Variants in CCND3 observed in about 807,000 individuals in gnomAD.
CCND3 encodes cyclin D3, also known as G1/S-specific cyclin-D3.
A neutral mutation model predicts 28.7 loss-of-function variants in CCND3; 9 were observed. The observed-to-expected ratio is 0.31, with a 90% confidence interval of 0.19 to 0.55. The LOEUF (loss-of-function observed/expected upper bound fraction) is 0.55, where lower values mean the gene tolerates loss of function less well. Among genes scored for constraint, CCND3 ranks in the 20% least tolerant of loss-of-function variants. CCND3 has a pLI of 0.93. For synonymous variants in CCND3, 164 were observed against 163.9 expected (o/e 1.00, Z 0.00); for missense variants, 315 against 385.8 (o/e 0.82, Z 1.54).
intron 1 of CCND3, among the ~76,000 whole-genome samples, chr6:42,036,325 A>ATATATATAT (rs1764208924): frequency 8.3e-6 from 1 of 119,920 alleles, no homozygotes; most frequent in African/African-American, 3.0e-5. Context: ...TATATATATA[A>ATATATATAT]AATATATATA....
intron 1 of CCND3, among the ~76,000 whole-genome samples, chr6:41,951,728 G>T (rs1028058927): frequency 4.6e-5 from 7 of 151,874 alleles, no homozygotes; most frequent in Admixed American, 4.6e-4. Context: ...AATACTATTA[G>T]GTAGTAATAA....
intron 1 of CCND3, among the ~76,000 whole-genome samples, chr6:42,043,199 G>C (rs537618895): frequency 2.0e-5 from 3 of 152,162 alleles, no homozygotes; most frequent in Non-Finnish European, 4.4e-5. Context: ...CTCAAGACCA[G>C]CCTGGGCAAC....
intron 1 of CCND3, among the ~76,000 whole-genome samples, chr6:42,034,755 G>A (rs184969366): frequency 6.6e-6 from 1 of 152,184 alleles, no homozygotes; most frequent in African/African-American, 2.4e-5. Flanking sequence ...TGGAATTACC[G>A]GCTTGAGCCA....
In CCND3 at chr6:42,027,875, G is replaced by A. The variant is rs143166923; in HGVS notation, c.-46+20626C>T. Among the ~76,000 whole-genome samples, 452 of 152,200 alleles carry A rather than the reference G, an allele frequency of 3.0e-3. 1 individual carries two copies. The highest frequency in any genetic ancestry group is 9.9e-3 in the African/African-American group (410 of 41,532). ...CAATTCTCCTGCCTCAGCCTCCCAAGTAGCTGGGATTACAGGCTCCTGCCA... is the reference window on the plus strand; with the variant it reads ...CAATTCTCCTGCCTCAGCCTCCCAAATAGCTGGGATTACAGGCTCCTGCCA... On this transcript the variant is annotated intron_variant, in intron 1 of 4. Transcript: ENST00000372988.
intron 1 of CCND3, among the ~76,000 whole-genome samples, chr6:41,956,450 AG>A (rs1274984921): frequency 6.6e-6 from 1 of 152,208 alleles, no homozygotes; most frequent in Non-Finnish European, 1.5e-5. Context: ...GAACTTTCCT[AG>A]TACTAAGCAA....
chr6:41,940,333 C>G (rs1165096776), intron 2 of CCND3, 37 bp downstream of exon 2: 5 of 1,532,602 alleles, frequency 3.3e-6, no homozygotes, highest in Non-Finnish European at 3.6e-6. Context: ...AGTGGGGAGA[C>G]AATACGTGTC....
At chr6:41,940,935 G>A in intron 1 of CCND3, 1 of 1,607,190 alleles carries the variant, frequency 6.2e-7, no homozygotes, top group Non-Finnish European at 8.5e-7. Flanking sequence ...CCCCATCACC[G>A]CCACCACTGC....
chr6:42,031,601 A>C (rs931646576), intron 1 of CCND3, among the ~76,000 whole-genome samples: 5 of 152,182 alleles, frequency 3.3e-5, no homozygotes, highest in African/African-American at 1.2e-4. Flanking sequence ...AACATTTCAA[A>C]AAGTGAAAAA....
chr6:42,016,745 C>T lies in CCND3; in HGVS notation c.-46+31756G>A, dbSNP rs940099024. ...GATTACAGGCACCCGCCATCATGCC[C>T]GGCTAATTTTTGTATTTTTAGTAGA... is the stretch of plus-strand genomic sequence containing the variant. On this transcript the variant is annotated intron_variant, in intron 1 of 4. Transcript: ENST00000372988. 1.1e-4 allele frequency among the ~76,000 whole-genome samples: 16 copies of T among 152,000 alleles called. No homozygotes were observed. The East Asian group carries it at 1.9e-3, about 18-fold the overall frequency.
intron 1 of CCND3, among the ~76,000 whole-genome samples, chr6:41,986,955 T>C (rs1452874579): frequency 6.6e-6 from 1 of 152,074 alleles, no homozygotes; most frequent in Non-Finnish European, 1.5e-5. Flanking sequence ...GAGATTCATC[T>C]TCATAGTATA....
At chr6:42,043,470 G>A (rs1259775225) in intron 1 of CCND3, among the ~76,000 whole-genome samples, 1 of 152,220 alleles carries the variant, frequency 6.6e-6, no homozygotes, top group African/African-American at 2.4e-5. Context: ...GGCGGAGGTT[G>A]CAGTGGGCCA....
At chr6:41,994,949 G>A (rs1381009748) in intron 1 of CCND3, among the ~76,000 whole-genome samples, 4 of 151,998 alleles carry the variant, frequency 2.6e-5, no homozygotes, top group African/African-American at 9.6e-5. Context: ...GCAGCCGCCT[G>A]TAATTCCAGC....
chr6:41,975,615 C>T (rs1019960621), intron 1 of CCND3, among the ~76,000 whole-genome samples: 1 of 152,004 alleles, frequency 6.6e-6, no homozygotes, highest in Non-Finnish European at 1.5e-5. Flanking sequence ...AGGGGACTTA[C>T]TTGGTGGGTG....
chr6:41,954,510 C>T (rs560317207), intron 1 of CCND3, among the ~76,000 whole-genome samples: 2 of 151,160 alleles, frequency 1.3e-5, no homozygotes, highest in Admixed American at 1.3e-4. Flanking sequence ...GAGAATAGCG[C>T]CATTGCACTC....
chr6:42,014,240 G>A (rs551598398), intron 1 of CCND3, among the ~76,000 whole-genome samples: 22 of 151,870 alleles, frequency 1.4e-4, no homozygotes, highest in Admixed American at 4.6e-4. Flanking sequence ...AGTGGTGGGC[G>A]CCTGTAGTCC....
intron 1 of CCND3, among the ~76,000 whole-genome samples, chr6:42,004,147 G>A (rs2127423816): frequency 6.7e-6 from 1 of 149,220 alleles, no homozygotes. Flanking sequence ...CCAGGCTGGA[G>A]TGCAATGGTG....
intron 1 of CCND3, among the ~76,000 whole-genome samples, chr6:42,024,418 T>A (rs9381119): frequency 0.57 from 82,513 of 145,900 alleles, 23,904 homozygotes; most frequent in African/African-American, 0.7. Context: ...AAAAAAATAA[T>A]AATAATTCAC....
chr6:42,019,929 A>G (rs78730289), intron 1 of CCND3, among the ~76,000 whole-genome samples: 3,899 of 152,272 alleles, frequency 0.026, 103 homozygotes, highest in South Asian at 0.11. Flanking sequence ...GATTTTTCTA[A>G]CTTTTTCCTA....
At chr6:41,944,157 T>C (rs988647776), upstream of CCND3, among the ~76,000 whole-genome samples, 2 of 150,754 alleles carry the variant, frequency 1.3e-5, no homozygotes, top group African/African-American at 2.4e-5. Flanking sequence ...AAAGCAAGAC[T>C]CCTATCTCTA....
Sources: gnomAD v4.1 joint callset for allele counts (sites outside exome capture counted in the v4.1 genomes callset) on GRCh38, gnomAD v4.1.1 for gene constraint, MANE v1.5 for transcripts, NCBI Gene and HGNC (gene_info 2026-07-23, HGNC 2026-07-21) for gene names.